Variants in TRPV1 observed in about 807,000 individuals in gnomAD.
TRPV1 encodes OTRPC1.
In TRPV1, 82 loss-of-function variants were observed where a neutral mutation model predicts 82.3. That is an observed-to-expected ratio of 1.00 (90% CI 0.83 to 1.20). TRPV1 has a LOEUF of 1.20. Ranked by LOEUF, TRPV1 falls within the 50% of genes most tolerant of loss-of-function variation. The probability of loss-of-function intolerance (pLI) is 0.00; values close to 1 mark genes in which losing one functional copy is unlikely to be tolerated. For synonymous variants in TRPV1, 515 were observed against 467.7 expected (o/e 1.10, Z -1.30); for missense variants, 1,067 against 1,096.8 (o/e 0.97, Z 0.38).
At chr17:3,603,746 G>C (rs910747388) in intron 2 of TRPV1, among the ~76,000 whole-genome samples, 1 of 152,196 alleles carries the variant, frequency 6.6e-6, no homozygotes, top group African/African-American at 2.4e-5. Context: ...AAAAAACAAG[G>C]TTTGCTTAAT....
chr17:3,584,402 C>CAAGAAAAAA (rs2075057678), intron 9 of TRPV1, among the ~76,000 whole-genome samples: 3 of 16,748 alleles, frequency 1.8e-4, no homozygotes, highest in African/African-American at 7.0e-4. Context: ...GACTCTGTCT[C>CAAGAAAAAA]AAAAAAAAAA....
intron 10 of TRPV1, among the ~76,000 whole-genome samples, chr17:3,581,652 C>G (rs1252837170): frequency 6.6e-6 from 1 of 151,824 alleles, no homozygotes; most frequent in African/African-American, 2.4e-5. Context: ...TTTGGGAGGC[C>G]GAGGCGGGCG....
intron 8 of TRPV1, 37 bp downstream of exon 8, chr17:3,588,151 C>T: frequency 6.5e-7 from 1 of 1,539,906 alleles, no homozygotes; most frequent in East Asian, 2.5e-5. Context: ...GGTGCAGAGG[C>T]CCTGAGGCCC....
At chr17:3,606,035 T>C (rs1020043143) in intron 2 of TRPV1, among the ~76,000 whole-genome samples, 3 of 152,194 alleles carry the variant, frequency 2.0e-5, no homozygotes, top group African/African-American at 7.2e-5. Flanking sequence ...CTCAGCTCAC[T>C]GCAACCTCCG....
Position 3,591,091 on chromosome 17 carries a change from C to T in TRPV1, c.477G>A (p.Leu159=). 6.2e-7 allele frequency: 1 copy of T among 1,613,090 alleles called. No homozygotes were observed. Among genetic ancestry groups the T allele is most frequent in the South Asian group, 1.1e-5 (1 of 90,786 alleles). Reference sequence around the variant, plus strand: ...CGTGCAGGTTGAGCATGGCTTTCAGCAGACAGGTCTTCCCTGTCTCAGGGT... The same window carrying T: ...CGTGCAGGTTGAGCATGGCTTTCAGTAGACAGGTCTTCCCTGTCTCAGGGT... ...FKDPETGKTC[L]LKAMLNLHDG... The change falls in exon 5 of 17, where the codon CTG becomes CTA. Residue 159 remains leucine, a synonymous_variant. Coordinates refer to ENST00000572705, the MANE Select transcript of TRPV1 (RefSeq NM_080704.4).
At chr17:3,594,324 CT>C (rs79268135) in intron 2 of TRPV1, among the ~76,000 whole-genome samples, 491 of 137,318 alleles carry the variant, frequency 3.6e-3, no homozygotes, top group Middle Eastern at 7.5e-3. Flanking sequence ...CCTGCATTTT[CT>C]TTTTTTTTTT....
In TRPV1 at chr17:3,590,003, G is replaced by T. The variant is rs201578866; in HGVS notation, c.848C>A (p.Ser283Ter). Residue 283 changes from serine (S) to a stop codon, truncating the protein, a stop_gained, in exon 7 of 17, where the codon TCG (serine) becomes TAG (stop). Coordinates refer to ENST00000572705, the MANE Select transcript of TRPV1 (RefSeq NM_080704.4). LOFTEE classifies it high-confidence loss of function. ...GGCGTGCAGCACCGTGTTGCCCACC[G>T]AGTCCCTGGCGCTGATGTCGGCCGT... is the stretch of plus-strand genomic sequence containing the variant. ...WQTADISARD[S>*]VGNTVLHALV... 6.4e-7 allele frequency: 1 copy of T among 1,561,720 alleles called. No individual in the cohort carries two copies. The highest frequency in any genetic ancestry group is 1.9e-5 in the Admixed American group (1 of 51,654).
At chr17:3,607,479 ATAATT>A (rs2075303484) in intron 2 of TRPV1, among the ~76,000 whole-genome samples, 1 of 152,086 alleles carries the variant, frequency 6.6e-6, no homozygotes, top group South Asian at 2.1e-4. Flanking sequence ...TATCTGTAAT[ATAATT>A]TAATTTACAA....
At chr17:3,602,626 C>T (rs1423559975) in intron 2 of TRPV1, among the ~76,000 whole-genome samples, 4 of 152,162 alleles carry the variant, frequency 2.6e-5, no homozygotes, top group South Asian at 2.1e-4. Context: ...AAAGCGTCTG[C>T]GGACGCGCCA....
intron 2 of TRPV1, among the ~76,000 whole-genome samples, chr17:3,599,619 CTTTTTTTCTTTTCT>C (rs2075247066): frequency 6.8e-6 from 1 of 146,352 alleles, no homozygotes; most frequent in Non-Finnish European, 1.5e-5. Context: ...AGAGAATTTC[CTTTTTTTCTTTTCT>C]TTTTTTTTTT....
chr17:3,572,292 G>C, intron 14 of TRPV1, 43 bp from the exon 15 acceptor site: 2 of 1,568,574 alleles, frequency 1.3e-6, no homozygotes, highest in Non-Finnish European at 1.7e-6. Flanking sequence ...GGGGCAGAGG[G>C]TGCATCCCGG....
intron 2 of TRPV1, among the ~76,000 whole-genome samples, chr17:3,594,449 G>A (rs975927817): frequency 6.6e-6 from 1 of 152,078 alleles, no homozygotes; most frequent in African/African-American, 2.4e-5. Context: ...ACACAACTGG[G>A]CCATGGCTGT....
chr17:3,579,163 C>T (rs1273520248), intron 11 of TRPV1, among the ~76,000 whole-genome samples: 1 of 152,010 alleles, frequency 6.6e-6, no homozygotes, highest in African/African-American at 2.4e-5. Flanking sequence ...GCACAAGTAC[C>T]CTGAAATCTA....
intron 8 of TRPV1, among the ~76,000 whole-genome samples, chr17:3,587,465 C>T (rs1427463952): frequency 6.6e-6 from 1 of 152,176 alleles, no homozygotes; most frequent in Non-Finnish European, 1.5e-5. Flanking sequence ...CTACGTAACA[C>T]TAAGACATTC....
rs2075156829 is a variant in TRPV1 at position 3,591,454 on chromosome 17, CA to C, written c.285-102del. 5.9e-6 allele frequency: 8 copies of C among 1,367,260 alleles called. No individual in the cohort carries two copies. The South Asian group carries it at 7.3e-5, about 12-fold the overall frequency. The allele number at this position is 1,367,260 out of a possible 1,614,324, so 84.7% of individuals were successfully genotyped here. ...AACACGACTAAATCCCAAGGCAAAC[CA>C]AAAAGGGGAAAAATGATATAAAAGC... On this transcript the variant is annotated intron_variant, in intron 3 of 16. Coordinates refer to ENST00000572705, the MANE Select transcript of TRPV1 (RefSeq NM_080704.4).
rs1567673375 is a variant in TRPV1, at chr17:3,594,160, C to CAAAAAAA, written c.-33-1778_-33-1777insTTTTTTT. Among the ~76,000 whole-genome samples the CAAAAAAA allele has an allele frequency of 1.7e-3, 193 of 115,800 alleles. 18 individuals carry two copies. Among genetic ancestry groups the CAAAAAAA allele is most frequent in the African/African-American group, 0.014 (174 of 12,744 alleles). The allele number at this position is 115,800 out of a possible 152,430, so 76.0% of individuals were successfully genotyped here. On this transcript the variant is annotated intron_variant, in intron 2 of 16. Transcript: ENST00000572705. ...AAAAAAAAAAAAAAAAAAGAAGCAG[C>CAAAAAAA]AGCAGCAGCAGCAGCAGCAGCTGCA...
At chr17:3,586,538 G>A (rs1313667916) in intron 8 of TRPV1, among the ~76,000 whole-genome samples, 1 of 152,232 alleles carries the variant, frequency 6.6e-6, no homozygotes, top group Admixed American at 6.5e-5. Context: ...CTGGGAGGCC[G>A]AGGCAGGTGG....
chr17:3,574,156 A>G (rs1229024399), intron 13 of TRPV1, among the ~76,000 whole-genome samples: 1 of 152,190 alleles, frequency 6.6e-6, no homozygotes, highest in African/African-American at 2.4e-5. Context: ...AAATAAATAA[A>G]TATATAAGTC....
In TRPV1 at chr17:3,609,348, AG is replaced by A. The variant is rs36074691; in HGVS notation, c.-213del. On this transcript the variant is annotated 5_prime_UTR_variant, in exon 1 of 17. Transcript: ENST00000572705. ...GAGAGAGAGAGAGAGAGAGAGAGAGAGAATACGACTGCTTCCCAAACTCGTG... is the reference window on the plus strand; with the variant it reads ...GAGAGAGAGAGAGAGAGAGAGAGAGAAATACGACTGCTTCCCAAACTCGTG... 1.4e-5 allele frequency: 2 copies of A among 145,468 alleles called. No individual in the cohort carries two copies. Among genetic ancestry groups the A allele is most frequent in the Non-Finnish European group, 3.1e-5 (2 of 65,364 alleles). 9.0% of individuals were successfully genotyped at this position (145,468 alleles called of 1,614,324 possible). A position where few individuals can be genotyped will look rare whatever the true frequency, so the allele number is the denominator to read the frequency against.
Sources: allele counts gnomAD v4.1 joint callset (sites outside exome capture counted in the v4.1 genomes callset), GRCh38; gene constraint gnomAD v4.1.1; transcripts MANE v1.5; gene names NCBI Gene and HGNC (gene_info 2026-07-23, HGNC 2026-07-21).